SLC22A3: variants seen among roughly 807,000 people sequenced by gnomAD.
SLC22A3 encodes the protein solute carrier family 22 member 3.
Under a neutral mutation model 59.1 loss-of-function variants are expected in SLC22A3, and 51 were observed. The ratio of observed to expected loss-of-function variants is 0.86; its 90% CI spans 0.69 to 1.09. The LOEUF is 1.09. Ranked by LOEUF, SLC22A3 falls within the 50% of genes least tolerant of loss-of-function variation. The pLI, the probability that SLC22A3 is intolerant of heterozygous loss-of-function variation, is 0.00. For synonymous variants in SLC22A3, 325 were observed against 292.0 expected (o/e 1.11, Z -1.15); for missense variants, 711 against 726.3 (o/e 0.98, Z 0.24).
rs112113167 is a variant in SLC22A3 at position 160,354,728 on chromosome 6, G to A, written c.429+5880G>A. Among the ~76,000 whole-genome samples, 119 of 152,284 alleles carry A rather than the reference G, an allele frequency of 7.8e-4. 2 individuals carry two copies. The highest frequency in any genetic ancestry group is 1.9e-3 in the Admixed American group (29 of 15,288). ...CTCAGAAGGTTGAACCCAGGAGGTC[G>A]AACTGTGCTGCTGTATTCCAGCCTG... On this transcript the variant is annotated intron_variant, in intron 1 of 10. Transcript: ENST00000275300.
At chr6:160,439,330 T>G (rs114834313) in intron 7 of SLC22A3, among the ~76,000 whole-genome samples, 1,604 of 152,282 alleles carry the variant, frequency 0.011, 30 homozygotes, top group African/African-American at 0.037. Context: ...TCATCGTATG[T>G]GGACTAGGAA....
intron 1 of SLC22A3, among the ~76,000 whole-genome samples, chr6:160,368,351 C>G (rs573547801): frequency 1.2e-3 from 180 of 152,280 alleles, no homozygotes; most frequent in South Asian, 5.2e-3. Context: ...CACCTGTGCT[C>G]TGGTCCCCAC....
At chr6:160,348,982 C>A (rs1250901978) in intron 1 of SLC22A3, 134 bp downstream of exon 1, 1 of 1,512,362 alleles carries the variant, frequency 6.6e-7, no homozygotes, top group Admixed American at 2.0e-5. Flanking sequence ...CCTCTGGGGA[C>A]AGACAGGATT....
At chr6:160,377,447 C>T (rs1291004405) in intron 1 of SLC22A3, among the ~76,000 whole-genome samples, 1 of 150,856 alleles carries the variant, frequency 6.6e-6, no homozygotes. Context: ...ATCATGCCAA[C>T]ACACTCCAGC....
chr6:160,402,739 GAAGGA>G (rs1348436438), intron 2 of SLC22A3, among the ~76,000 whole-genome samples: 1 of 151,706 alleles, frequency 6.6e-6, no homozygotes, highest in Non-Finnish European at 1.5e-5. Flanking sequence ...ATTCATAACA[GAAGGA>G]TAGATGGAAA....
chr6:160,360,860 T>C (rs1010668996), intron 1 of SLC22A3, among the ~76,000 whole-genome samples: 16 of 152,218 alleles, frequency 1.1e-4, no homozygotes, highest in Admixed American at 7.9e-4. Flanking sequence ...TCCATGTTCC[T>C]ATGTGTCATC....
intron 1 of SLC22A3, among the ~76,000 whole-genome samples, chr6:160,354,254 C>A (rs1189956861): frequency 6.6e-6 from 1 of 152,234 alleles, no homozygotes; most frequent in Non-Finnish European, 1.5e-5. Context: ...CCTCTATTAA[C>A]TTGAAGGGCA....
chr6:160,361,776 T>A (rs1321093776), intron 1 of SLC22A3, among the ~76,000 whole-genome samples: 3 of 152,174 alleles, frequency 2.0e-5, no homozygotes, highest in Admixed American at 2.0e-4. Context: ...GGAAAAGAAG[T>A]TCTGTAAATC....
chr6:160,412,460 A>G (rs1210000495), intron 5 of SLC22A3, among the ~76,000 whole-genome samples: 2 of 152,146 alleles, frequency 1.3e-5, no homozygotes, highest in South Asian at 2.1e-4. Context: ...TCTCTCTTAT[A>G]TTAAGTGGCA....
chr6:160,361,527 T>A (rs966470669), intron 1 of SLC22A3, among the ~76,000 whole-genome samples: 3 of 152,336 alleles, frequency 2.0e-5, no homozygotes, highest in South Asian at 4.1e-4. Flanking sequence ...AGCCAAAGGC[T>A]TCAATAATGT....
chr6:160,399,406 A>G (rs1786663407), intron 2 of SLC22A3, among the ~76,000 whole-genome samples: 2 of 151,502 alleles, frequency 1.3e-5, no homozygotes, highest in African/African-American at 2.4e-5. Context: ...GTTTTGCTTC[A>G]TCTGTGTTTT....
chr6:160,422,835 T>C (rs1787795052), intron 5 of SLC22A3, among the ~76,000 whole-genome samples: 2 of 152,176 alleles, frequency 1.3e-5, no homozygotes, highest in South Asian at 2.1e-4. Flanking sequence ...CACCTTCTTT[T>C]TTTTTTTAAG....
intron 1 of SLC22A3, among the ~76,000 whole-genome samples, chr6:160,355,800 A>C (rs552214770): frequency 1.8e-4 from 26 of 146,474 alleles, no homozygotes; most frequent in East Asian, 1.6e-3. Flanking sequence ...ACAACAACAA[A>C]AAACTTGTCT....
intron 1 of SLC22A3, among the ~76,000 whole-genome samples, chr6:160,374,829 A>G (rs1273934453): frequency 6.6e-6 from 1 of 152,240 alleles, no homozygotes; most frequent in African/African-American, 2.4e-5. Flanking sequence ...TCTCCAGGGA[A>G]GGGTGCCAAC....
chr6:160,447,031 A>G (rs1788770375), intron 9 of SLC22A3, among the ~76,000 whole-genome samples: 1 of 152,234 alleles, frequency 6.6e-6, no homozygotes. Context: ...TTAGGCATTT[A>G]CCAGCACACC....
At chr6:160,405,473 G>C (rs1381493845) in intron 2 of SLC22A3, among the ~76,000 whole-genome samples, 1 of 152,014 alleles carries the variant, frequency 6.6e-6, no homozygotes, top group Non-Finnish European at 1.5e-5. Flanking sequence ...CAAAATGAAA[G>C]GTGACTTTAG....
At chr6:160,355,664 G>A (rs186219940) in intron 1 of SLC22A3, among the ~76,000 whole-genome samples, 14 of 148,410 alleles carry the variant, frequency 9.4e-5, no homozygotes, top group Admixed American at 2.0e-4. Context: ...CCCAGCTACC[G>A]GGGAGGTTGA....
intron 9 of SLC22A3, among the ~76,000 whole-genome samples, chr6:160,446,212 C>T (rs1318315597): frequency 6.6e-6 from 1 of 152,118 alleles, no homozygotes; most frequent in Non-Finnish European, 1.5e-5. Flanking sequence ...GCAGAAGGAA[C>T]CTGACTGGAG....
rs1164824193 is a variant in SLC22A3 at position 160,418,585 on chromosome 6, T to G, written c.975+7739T>G. On this transcript the variant is annotated intron_variant, in intron 5 of 10. Transcript: ENST00000275300. ...TTGACCAATATAATAGCTGACTGTGTCAACACTGAGTGAGCAGCCACTGTC... is the reference window on the plus strand; with the variant it reads ...TTGACCAATATAATAGCTGACTGTGGCAACACTGAGTGAGCAGCCACTGTC... 2.0e-5 allele frequency among the ~76,000 whole-genome samples: 3 copies of G among 152,322 alleles called. No homozygotes were observed. In the East Asian group the frequency reaches 5.8e-4, roughly 29 times the overall value.
Sources: gnomAD v4.1 joint callset for allele counts (sites outside exome capture counted in the v4.1 genomes callset) on GRCh38, gnomAD v4.1.1 for gene constraint, MANE v1.5 for transcripts, NCBI Gene and HGNC (gene_info 2026-07-23, HGNC 2026-07-21) for gene names.